WWOX: variants seen among roughly 807,000 people sequenced by gnomAD.
WWOX encodes the protein WW domain containing oxidoreductase, also known as WW domain-containing oxidoreductase.
WWOX carries 69 observed loss-of-function variants against 46.2 expected under a neutral mutation model. The ratio of observed to expected loss-of-function variants is 1.49; its 90% CI spans 1.23 to 1.82. WWOX has a LOEUF of 1.82. Among genes scored for constraint, WWOX ranks in the 40% most tolerant of loss-of-function variants. The pLI, the probability that WWOX is intolerant of heterozygous loss-of-function variation, is 0.00. For missense variants in WWOX, 919 were observed against 542.6 expected, an observed-to-expected ratio of 1.69 and a Z score of -6.89; for synonymous variants, 359 against 202.6, an observed-to-expected ratio of 1.77 and a Z score of -6.56.
chr16:78,551,947 C>T (rs1290902725), intron 8 of WWOX: 1 of 152,206 alleles, frequency 6.6e-6, no homozygotes, highest in East Asian at 1.9e-4. Context: ...GCAGCAAAGG[C>T]AGGGAGACTT....
chr16:79,070,387 C>T (rs1258449745), intron 8 of WWOX, among the ~76,000 whole-genome samples: 1 of 151,904 alleles, frequency 6.6e-6, no homozygotes, highest in Non-Finnish European at 1.5e-5. Context: ...TGTCCTCCAG[C>T]AAAATGGTCT....
intron 8 of WWOX, among the ~76,000 whole-genome samples, chr16:79,123,355 C>A (rs1400256397): frequency 3.3e-5 from 5 of 152,162 alleles, no homozygotes; most frequent in African/African-American, 1.2e-4. Context: ...ATCTTGGCAT[C>A]TTACCTATAA....
At chr16:78,880,247 C>T (rs1200745971) in intron 8 of WWOX, among the ~76,000 whole-genome samples, 1 of 152,144 alleles carries the variant, frequency 6.6e-6, no homozygotes, top group Non-Finnish European at 1.5e-5. Flanking sequence ...ATGAAAACAC[C>T]TTACATAGAT....
At chr16:78,627,622 A>G (rs1303951741) in intron 8 of WWOX, among the ~76,000 whole-genome samples, 1 of 152,254 alleles carries the variant, frequency 6.6e-6, no homozygotes, top group East Asian at 1.9e-4. Context: ...ACACATAAAT[A>G]GGAAGACAAA....
At chr16:78,472,636 G>A (rs142280556) in intron 8 of WWOX, among the ~76,000 whole-genome samples, 341 of 151,718 alleles carry the variant, frequency 2.2e-3, no homozygotes, top group African/African-American at 7.9e-3. Flanking sequence ...TGTTGAAACC[G>A]TTTCTCTACT....
At chr16:79,005,200 C>A (rs1222812672) in intron 8 of WWOX, among the ~76,000 whole-genome samples, 2 of 152,052 alleles carry the variant, frequency 1.3e-5, no homozygotes, top group East Asian at 1.9e-4. Context: ...TGCCTGTGGA[C>A]CTCAGGATTT....
chr16:79,066,616 G>T (rs897037355), intron 8 of WWOX, among the ~76,000 whole-genome samples: 2 of 152,226 alleles, frequency 1.3e-5, no homozygotes, highest in African/African-American at 4.8e-5. Context: ...GGCAAGGCCA[G>T]CAGAACTGAA....
rs533975401 is a variant in WWOX at position 78,734,119 on chromosome 16, C to T, written c.1056+301367C>T. Among the ~76,000 whole-genome samples the T allele has an allele frequency of 5.1e-4, 77 of 151,886 alleles. 1 individual carries two copies. Among genetic ancestry groups the T allele is most frequent in the African/African-American group, 1.8e-3 (75 of 41,476 alleles). ...CCATCCGTCCATCTATTCATACACACACGTAAAATGAAAACTAAAGCAAAA... is the reference window on the plus strand; with the variant it reads ...CCATCCGTCCATCTATTCATACACATACGTAAAATGAAAACTAAAGCAAAA... On this transcript the variant is annotated intron_variant, in intron 8 of 8. Transcript: ENST00000566780.
intron 8 of WWOX, among the ~76,000 whole-genome samples, chr16:78,832,410 A>G (rs528194630): frequency 1.3e-5 from 2 of 152,304 alleles, no homozygotes; most frequent in South Asian, 2.1e-4. Flanking sequence ...CTTTAGCTAC[A>G]TTCTATTGAT....
chr16:78,567,059 C>G (rs2044587182), intron 8 of WWOX, among the ~76,000 whole-genome samples: 1 of 152,160 alleles, frequency 6.6e-6, no homozygotes, highest in African/African-American at 2.4e-5. Flanking sequence ...TAATCCCACC[C>G]TAAGTGATAG....
chr16:78,977,646 C>G (rs950292747), intron 8 of WWOX, among the ~76,000 whole-genome samples: 7 of 151,876 alleles, frequency 4.6e-5, no homozygotes, highest in Admixed American at 1.3e-4. Context: ...AGTGAAAGCT[C>G]AGCCTCGAAA....
chr16:78,844,769 G>C (rs2052253859), intron 8 of WWOX, among the ~76,000 whole-genome samples: 1 of 152,196 alleles, frequency 6.6e-6, no homozygotes, highest in African/African-American at 2.4e-5. Flanking sequence ...TCCTTTTTTA[G>C]TCTTGTATAT....
At chr16:78,779,781 G>A (rs1319866709) in intron 8 of WWOX, among the ~76,000 whole-genome samples, 1 of 152,146 alleles carries the variant, frequency 6.6e-6, no homozygotes, top group African/African-American at 2.4e-5. Context: ...GCAGAGGTGG[G>A]ATCTAGACTG....
chr16:78,333,662 A>G (rs2080816259), intron 5 of WWOX, among the ~76,000 whole-genome samples: 1 of 152,210 alleles, frequency 6.6e-6, no homozygotes, highest in Non-Finnish European at 1.5e-5. Context: ...TCCAGAATAC[A>G]TACTTCATAA....
At chr16:79,148,541 C>A (rs2050220934) in intron 8 of WWOX, among the ~76,000 whole-genome samples, 1 of 152,064 alleles carries the variant, frequency 6.6e-6, no homozygotes, top group Admixed American at 6.5e-5. Context: ...ATTTTAGCTT[C>A]CTAAGACCTG....
chr16:78,753,844 ATATATATATATG>A lies in WWOX; in HGVS notation c.1056+321098_1056+321109del, dbSNP rs1452712538. Among the ~76,000 whole-genome samples the A allele has an allele frequency of 8.1e-3, 865 of 106,682 alleles. 14 individuals carry two copies. The highest frequency in any genetic ancestry group is 0.03 in the African/African-American group (751 of 24,950). 70.0% of individuals were successfully genotyped at this position (106,682 alleles called of 152,430 possible). A position where few individuals can be genotyped will look rare whatever the true frequency, so the allele number is the denominator to read the frequency against. Reference sequence around the variant, plus strand: ...AAAAAAAATATATATATATATATATATATATATATATGTATATGTATATGTATATATAAATTT... The same window carrying A: ...AAAAAAAATATATATATATATATATATATATGTATATGTATATATAAATTT... On this transcript the variant is annotated intron_variant, in intron 8 of 8. Coordinates refer to ENST00000566780, the MANE Select transcript of WWOX (RefSeq NM_016373.4).
At chr16:78,888,358 C>T (rs1397125592) in intron 8 of WWOX, among the ~76,000 whole-genome samples, 1 of 152,184 alleles carries the variant, frequency 6.6e-6, no homozygotes, top group East Asian at 1.9e-4. Flanking sequence ...TCCCAGGTAC[C>T]TGCCCAGAGG....
intron 8 of WWOX, among the ~76,000 whole-genome samples, chr16:78,811,854 A>C (rs147767846): frequency 1.2e-4 from 19 of 152,342 alleles, no homozygotes; most frequent in Non-Finnish European, 2.6e-4. Flanking sequence ...CACTTGGTCA[A>C]GTTACTTAAG....
chr16:79,077,718 G>T (rs1567534221), intron 8 of WWOX, among the ~76,000 whole-genome samples: 1 of 150,460 alleles, frequency 6.6e-6, no homozygotes, highest in African/African-American at 2.4e-5. Context: ...ATTGTGTGTT[G>T]GTGTAAGAAA....
Sources: gnomAD v4.1 joint callset for allele counts (sites outside exome capture counted in the v4.1 genomes callset) on GRCh38, gnomAD v4.1.1 for gene constraint, MANE v1.5 for transcripts, NCBI Gene and HGNC (gene_info 2026-07-23, HGNC 2026-07-21) for gene names.